CHKA: variants seen among roughly 807,000 people sequenced by gnomAD.
CHKA encodes CHETK-alpha.
In CHKA, 34 loss-of-function variants were observed where a neutral mutation model predicts 60.1. That is an observed-to-expected ratio of 0.57 (90% CI 0.43 to 0.75). The LOEUF (loss-of-function observed/expected upper bound fraction) is 0.75. Ranked by LOEUF, CHKA falls within the 30% of genes least tolerant of loss-of-function variation. The probability of loss-of-function intolerance (pLI) is 0.00; values close to 1 mark genes in which losing one functional copy is unlikely to be tolerated. For synonymous variants in CHKA, 217 were observed against 223.1 expected (o/e 0.97, Z 0.24); for missense variants, 563 against 561.3 (o/e 1.00, Z -0.03).
chr11:68,075,208 G>C (rs1354250557), intron 3 of CHKA, among the ~76,000 whole-genome samples: 2 of 152,102 alleles, frequency 1.3e-5, no homozygotes, highest in African/African-American at 4.8e-5. Flanking sequence ...ATTCTGGTAA[G>C]GGTTGATTTG....
At chr11:68,099,325 G>C (rs1857619792) in intron 1 of CHKA, among the ~76,000 whole-genome samples, 2 of 152,218 alleles carry the variant, frequency 1.3e-5, no homozygotes, top group African/African-American at 4.8e-5. Flanking sequence ...TATGGTTTGT[G>C]AACTATATCT....
At chr11:68,117,775 T>A (rs183516989) in intron 1 of CHKA, among the ~76,000 whole-genome samples, 3 of 152,284 alleles carry the variant, frequency 2.0e-5, no homozygotes, top group Admixed American at 2.0e-4. Flanking sequence ...ATTTGAGAAA[T>A]CCATAGCAAC....
intron 1 of CHKA, among the ~76,000 whole-genome samples, chr11:68,115,015 A>T (rs937064662): frequency 6.6e-6 from 1 of 152,220 alleles, no homozygotes; most frequent in Non-Finnish European, 1.5e-5. Context: ...TACAAAGGTG[A>T]TATGTATTCG....
At chr11:68,074,905 G>GAGTGTTTCATC (rs1168080200) in intron 3 of CHKA, 75 bp from the exon 4 acceptor site, 3 of 1,300,448 alleles carry the variant, frequency 2.3e-6, no homozygotes, top group Non-Finnish European at 3.3e-6. Flanking sequence ...ACTCTCACAG[G>GAGTGTTTCATC]AGTGTTTCAT....
chr11:68,084,377 TGTGTATATATATACACACATATACGTA>T (rs1187961395), intron 2 of CHKA, among the ~76,000 whole-genome samples: 1 of 135,034 alleles, frequency 7.4e-6, no homozygotes, highest in Non-Finnish European at 1.6e-5. Context: ...TATACGTATA[TGTGTATATATATACACACATATACGTA>T]TATATGTGTA....
intron 7 of CHKA, 79 bp downstream of exon 7, chr11:68,068,800 A>C (rs955866048): frequency 5.7e-5 from 52 of 920,324 alleles, no homozygotes; most frequent in Non-Finnish European, 8.8e-5. Context: ...ATGCTACCTT[A>C]CATTTTTCAG....
rs1361624131 is a variant in CHKA, at chr11:68,120,895, A to G, written c.283T>C (p.Cys95Arg). Residue 95 changes from cysteine to arginine, a missense_variant, in exon 1 of 12, where the codon TGC (cysteine) becomes CGC (arginine). Physicochemically the swap from Cys to Arg is radical, Grantham distance 180. Coordinates refer to ENST00000265689, the MANE Select transcript of CHKA (RefSeq NM_001277.3). The stretch of plus-strand genomic sequence containing the variant: ...CAGGCGCCGGGCAGGAACTCCTTGC[A>G]CCACAGATAGGCCCTGCGCCGCGTC... ...PRTRRRAYLW[C>R]KEFLPGAWRG... The G allele has an allele frequency of 7.5e-7, 1 of 1,340,796 alleles. No homozygotes were observed. Among genetic ancestry groups the G allele is most frequent in the Non-Finnish European group, 9.7e-7 (1 of 1,032,714 alleles). The allele number at this position is 1,340,796 out of a possible 1,614,324, so 83.1% of individuals were successfully genotyped here.
chr11:68,089,838 A>G (rs1307178453), intron 2 of CHKA: 1 of 152,210 alleles, frequency 6.6e-6, no homozygotes, highest in Non-Finnish European at 1.5e-5. Flanking sequence ...CGTGTCTGTC[A>G]CCTGGAAACC....
At chr11:68,077,929 G>A (rs1425478172) in intron 3 of CHKA, among the ~76,000 whole-genome samples, 1 of 152,166 alleles carries the variant, frequency 6.6e-6, no homozygotes, top group African/African-American at 2.4e-5. Context: ...ACTGGAACAG[G>A]ACAATCAAGG....
chr11:68,105,369 G>A (rs1265552860), intron 1 of CHKA, among the ~76,000 whole-genome samples: 2 of 151,542 alleles, frequency 1.3e-5, no homozygotes, highest in African/African-American at 4.8e-5. Flanking sequence ...ACAAAAATTA[G>A]CTGGGCATGG....
At chr11:68,101,599 T>C (rs1345573836) in intron 1 of CHKA, among the ~76,000 whole-genome samples, 5 of 148,728 alleles carry the variant, frequency 3.4e-5, no homozygotes, top group African/African-American at 7.5e-5. Context: ...TGCCAGCTAA[T>C]AGCAAATTAT....
At chr11:68,055,380 G>C (rs1282013865) in intron 11 of CHKA, among the ~76,000 whole-genome samples, 1 of 152,220 alleles carries the variant, frequency 6.6e-6, no homozygotes, top group African/African-American at 2.4e-5. Context: ...GCAACAGAGT[G>C]AGACTCTGTC....
intron 1 of CHKA, 145 bp downstream of exon 1, chr11:68,120,683 G>T: frequency 3.5e-6 from 1 of 281,782 alleles, no homozygotes; most frequent in Non-Finnish European, 5.9e-6. Flanking sequence ...TTCGCCGGCT[G>T]CGGTCCCCGG....
At chr11:68,074,655 G>A in intron 4 of CHKA, 62 bp downstream of exon 4, 2 of 1,440,104 alleles carry the variant, frequency 1.4e-6, no homozygotes, top group South Asian at 2.3e-5. Context: ...GCAGCAATGA[G>A]ACAAAGAAGC....
intron 1 of CHKA, among the ~76,000 whole-genome samples, chr11:68,114,023 G>A (rs1339759505): frequency 6.6e-6 from 1 of 151,870 alleles, no homozygotes; most frequent in Non-Finnish European, 1.5e-5. Flanking sequence ...GAAAATGAGA[G>A]ACCATTATAC....
chr11:68,121,021 G>A lies in CHKA; in HGVS notation c.157C>T (p.Pro53Ser). Residue 53 changes from proline to serine, a missense_variant, in exon 1 of 12, where the codon CCG (proline) becomes TCG (serine). Coordinates refer to ENST00000265689, the MANE Select transcript of CHKA (RefSeq NM_001277.3). ...LESKQLGGQQ[P>S]PLALPPPPPL... ...GGCGGAGGGGGCAGCGCGAGCGGCGGCTGTTGGCCGCCCAGCTGCTTGGAC... is the reference window on the plus strand; with the variant it reads ...GGCGGAGGGGGCAGCGCGAGCGGCGACTGTTGGCCGCCCAGCTGCTTGGAC... 2 of 1,108,248 alleles carry A rather than the reference G, an allele frequency of 1.8e-6. No homozygotes were observed. The highest frequency in any genetic ancestry group is 1.1e-6 in the Non-Finnish European group (1 of 909,812). 68.7% of individuals were successfully genotyped at this position (1,108,248 alleles called of 1,614,324 possible).
intron 10 of CHKA, among the ~76,000 whole-genome samples, chr11:68,063,283 G>A (rs1856315194): frequency 6.6e-6 from 1 of 152,056 alleles, no homozygotes; most frequent in African/African-American, 2.4e-5. Flanking sequence ...AGAACCACTT[G>A]AGCCCAGGAG....
At chr11:68,117,763 A>G (rs1001225022) in intron 1 of CHKA, among the ~76,000 whole-genome samples, 5 of 152,198 alleles carry the variant, frequency 3.3e-5, no homozygotes, top group Non-Finnish European at 7.3e-5. Flanking sequence ...TTATTTTCCA[A>G]TATTTGAGAA....
rs541948647 is a variant in CHKA, at chr11:68,095,245, A to G, written c.462+1774T>C. Among the ~76,000 whole-genome samples the G allele has an allele frequency of 3.4e-3, 520 of 151,688 alleles. 1 individual carries two copies. The highest frequency in any genetic ancestry group is 6.0e-3 in the Non-Finnish European group (405 of 67,924). On this transcript the variant is annotated intron_variant, in intron 2 of 11. Coordinates refer to ENST00000265689, the MANE Select transcript of CHKA (RefSeq NM_001277.3). ...TGGTGAAACCTCATCTCTACTAAAA[A>G]TACAAAAATTAGCCAGGCGTGGTGG...
Sources: allele counts gnomAD v4.1 joint callset (sites outside exome capture counted in the v4.1 genomes callset), GRCh38; gene constraint gnomAD v4.1.1; transcripts MANE v1.5; gene names NCBI Gene and HGNC (gene_info 2026-07-23, HGNC 2026-07-21).